Variants in NKAIN3 observed in about 807,000 individuals in gnomAD.
The protein encoded by NKAIN3 is sodium/potassium transporting ATPase interacting 3, also known as sodium/potassium-transporting ATPase subunit beta-1-interacting protein 3.
A neutral mutation model predicts 30.2 loss-of-function variants in NKAIN3; 25 were observed. The ratio of observed to expected loss-of-function variants is 0.83; its 90% CI spans 0.60 to 1.16. The LOEUF (loss-of-function observed/expected upper bound fraction) is 1.16. Among genes scored for constraint, NKAIN3 ranks in the 50% most tolerant of loss-of-function variants. The pLI is 0.00. For missense variants in NKAIN3, 225 were observed against 254.1 expected, an observed-to-expected ratio of 0.89 and a Z score of 0.78; for synonymous variants, 91 against 89.6, an observed-to-expected ratio of 1.02 and a Z score of -0.09.
At chr8:62,415,237 G>A (rs911421915) in intron 1 of NKAIN3, among the ~76,000 whole-genome samples, 5 of 137,980 alleles carry the variant, frequency 3.6e-5, no homozygotes, top group Non-Finnish European at 7.7e-5. Flanking sequence ...GTATAATATA[G>A]TATATTATAT....
rs1823929325 is a variant in NKAIN3 at position 62,975,840 on chromosome 8, G to T, written c.*10433G>T. Among the ~76,000 whole-genome samples the T allele has an allele frequency of 6.6e-6, 1 of 152,096 alleles. No individual in the cohort carries two copies. Among genetic ancestry groups the T allele is most frequent in the Admixed American group, 6.6e-5 (1 of 15,244 alleles). ...CTTAGGTCTATAAATTTCCTTCTAA[G>T]CACTCCCTCTAAGCTCTATCCCAGA... On this transcript the variant is annotated 3_prime_UTR_variant, in exon 7 of 7. Coordinates refer to ENST00000623646, the MANE Select transcript of NKAIN3 (RefSeq NM_001304533.3).
intron 3 of NKAIN3, among the ~76,000 whole-genome samples, chr8:62,743,648 G>A (rs1815979134): frequency 1.3e-5 from 2 of 152,218 alleles, no homozygotes; most frequent in Non-Finnish European, 2.9e-5. Flanking sequence ...GCAGGAGTGG[G>A]AGGCAGGAGA....
intron 1 of NKAIN3, among the ~76,000 whole-genome samples, chr8:62,403,351 C>T (rs770633380): frequency 2.0e-5 from 3 of 152,150 alleles, no homozygotes; most frequent in Admixed American, 6.5e-5. Context: ...AGGAGCCAAA[C>T]GTTAATAGCC....
Position 62,992,828 on chromosome 8 carries a change from T to C in NKAIN3, c.533-6403T>C, listed in dbSNP as rs142406945. ...AGTTAAAGGCAAGATTTTTTTCTGG[T>C]TGGGGAAAGCTGCATAACGAAGTTG... On this transcript the variant is annotated intron_variant, in intron 5 of 5. Transcript: ENST00000519049. Among the ~76,000 whole-genome samples, 367 of 150,494 alleles carry C rather than the reference T, an allele frequency of 2.4e-3. 11 individuals carry two copies. The East Asian group carries it at 0.051, about 21-fold the overall frequency.
rs1808940384 is a variant in NKAIN3, at chr8:62,544,292, T to C, written c.55-35247T>C. ...TGCTGGGATTACAGCTGTGAGCCAC[T>C]GAATCCAGACTTGTGTATTTTTTTC... On this transcript the variant is annotated intron_variant, in intron 1 of 6. Coordinates refer to ENST00000623646, the MANE Select transcript of NKAIN3 (RefSeq NM_001304533.3). 3.9e-5 allele frequency among the ~76,000 whole-genome samples: 6 copies of C among 152,256 alleles called. No homozygotes were observed. The South Asian group carries it at 1.2e-3, about 32-fold the overall frequency.
At chr8:62,817,698 C>A (rs1423627965) in intron 4 of NKAIN3, among the ~76,000 whole-genome samples, 1 of 152,126 alleles carries the variant, frequency 6.6e-6, no homozygotes, top group Non-Finnish European at 1.5e-5. Context: ...AAAACAGAGC[C>A]ATTCTCCCCT....
chr8:62,980,178 G>A lies in NKAIN3; in HGVS notation c.*14771G>A, dbSNP rs929193804. The A allele has an allele frequency of 3.3e-5, 5 of 152,106 alleles. No individual in the cohort carries two copies. Among genetic ancestry groups the A allele is most frequent in the Admixed American group, 6.6e-5 (1 of 15,256 alleles). 9.4% of individuals were successfully genotyped at this position (152,106 alleles called of 1,614,324 possible). On this transcript the variant is annotated 3_prime_UTR_variant, in exon 7 of 7. Coordinates refer to ENST00000623646, the MANE Select transcript of NKAIN3 (RefSeq NM_001304533.3). ...TGATTTTTCATCAAACATGAAAATA[G>A]CTTACTTTTAACTGCTGGGTGTCAG...
At chr8:62,558,634 G>A (rs1243181672) in intron 1 of NKAIN3, among the ~76,000 whole-genome samples, 2 of 151,938 alleles carry the variant, frequency 1.3e-5, no homozygotes, top group Non-Finnish European at 2.9e-5. Context: ...CATATTACTG[G>A]TGGTATCCTT....
intron 5 of NKAIN3, among the ~76,000 whole-genome samples, chr8:62,949,723 C>CT (rs11345295): frequency 2.5e-4 from 37 of 149,140 alleles, no homozygotes; most frequent in South Asian, 4.3e-4. Context: ...AATTGTGTTG[C>CT]TTTTTTTTTT....
intron 4 of NKAIN3, among the ~76,000 whole-genome samples, chr8:62,796,670 A>T (rs530133968): frequency 6.6e-6 from 1 of 152,128 alleles, no homozygotes; most frequent in South Asian, 2.1e-4. Context: ...GTCTTAACCT[A>T]TCTTGTACTG....
chr8:62,776,606 G>A (rs1424980514), intron 4 of NKAIN3, among the ~76,000 whole-genome samples: 1 of 151,970 alleles, frequency 6.6e-6, no homozygotes, highest in Non-Finnish European at 1.5e-5. Flanking sequence ...TTAAGTTCTT[G>A]CCCCTGCTTT....
At chr8:62,832,448 CAG>C (rs1327655147) in intron 4 of NKAIN3, among the ~76,000 whole-genome samples, 1 of 151,930 alleles carries the variant, frequency 6.6e-6, no homozygotes, top group Non-Finnish European at 1.5e-5. Context: ...TTAAAAGGCA[CAG>C]AGTGGCCAGG....
At chr8:62,814,661 T>C (rs1412391889) in intron 4 of NKAIN3, among the ~76,000 whole-genome samples, 1 of 151,906 alleles carries the variant, frequency 6.6e-6, no homozygotes. Context: ...AAGGCAGAAA[T>C]AAAGACGTTC....
chr8:62,269,630 A>G (rs1054109964), intron 1 of NKAIN3, among the ~76,000 whole-genome samples: 4 of 152,138 alleles, frequency 2.6e-5, no homozygotes, highest in Non-Finnish European at 5.9e-5. Context: ...AAATACGTAG[A>G]TTTTATTATC....
At chr8:62,774,022 G>C (rs184648435) in intron 4 of NKAIN3, among the ~76,000 whole-genome samples, 140 of 152,220 alleles carry the variant, frequency 9.2e-4, no homozygotes, top group Non-Finnish European at 1.5e-3. Context: ...TGACAATATT[G>C]ATTCTTCCAG....
At chr8:62,546,261 C>T (rs1276692670) in intron 1 of NKAIN3, among the ~76,000 whole-genome samples, 1 of 152,158 alleles carries the variant, frequency 6.6e-6, no homozygotes, top group African/African-American at 2.4e-5. Flanking sequence ...ATCCATACTA[C>T]AATCTCATTC....
chr8:62,585,206 T>C (rs1563470756), intron 2 of NKAIN3, among the ~76,000 whole-genome samples: 2 of 152,140 alleles, frequency 1.3e-5, no homozygotes, highest in Admixed American at 1.3e-4. Context: ...TCAAGACTTA[T>C]TTTTTTCTAA....
chr8:62,969,466 A>G lies in NKAIN3; in HGVS notation c.*4059A>G, dbSNP rs12056580. On this transcript the variant is annotated 3_prime_UTR_variant, in exon 7 of 7. Transcript: ENST00000623646. Reference sequence around the variant, plus strand: ...CCAAGAATAAACAAATCTTCATTTCATACCTAATTTTAAAACGAATTGTGT... The same window carrying G: ...CCAAGAATAAACAAATCTTCATTTCGTACCTAATTTTAAAACGAATTGTGT... 0.12 allele frequency among the ~76,000 whole-genome samples: 17,773 copies of G among 152,262 alleles called. 1,197 individuals carry two copies. The highest frequency in any genetic ancestry group is 0.22 in the East Asian group (1,137 of 5,172).
intron 3 of NKAIN3, among the ~76,000 whole-genome samples, chr8:62,735,546 C>A (rs770025659): frequency 1.3e-5 from 2 of 151,914 alleles, no homozygotes; most frequent in Non-Finnish European, 2.9e-5. Flanking sequence ...TCTTTCATAT[C>A]CTGTAACATT....
Sources: gnomAD v4.1 joint callset for allele counts (sites outside exome capture counted in the v4.1 genomes callset) on GRCh38, gnomAD v4.1.1 for gene constraint, MANE v1.5 for transcripts, NCBI Gene and HGNC (gene_info 2026-07-23, HGNC 2026-07-21) for gene names.